NDST4: variants seen among roughly 807,000 people sequenced by gnomAD.
NDST4 encodes N-deacetylase and N-sulfotransferase 4.
NDST4 carries 63 observed loss-of-function variants against 100.8 expected under a neutral mutation model. The ratio of observed to expected loss-of-function variants is 0.62; its 90% CI spans 0.51 to 0.77. The LOEUF is 0.77. NDST4 is among the 30% of genes least tolerant of loss of function. NDST4 has a pLI of 0.00. For missense variants in NDST4, 943 were observed against 1,018.4 expected, an observed-to-expected ratio of 0.93 and a Z score of 1.01; for synonymous variants, 377 against 361.8, an observed-to-expected ratio of 1.04 and a Z score of -0.48.
At chr4:114,965,408 T>G (rs1726358836) in intron 4 of NDST4, among the ~76,000 whole-genome samples, 1 of 152,090 alleles carries the variant, frequency 6.6e-6, no homozygotes, top group African/African-American at 2.4e-5. Flanking sequence ...TAGATTTGTG[T>G]TTTTATGAGA....
chr4:115,032,848 C>G (rs1307784437), intron 2 of NDST4, among the ~76,000 whole-genome samples: 1 of 151,812 alleles, frequency 6.6e-6, no homozygotes, highest in Non-Finnish European at 1.5e-5. Context: ...TTTTGAGTTT[C>G]CCAAGACATA....
chr4:115,093,398 C>A (rs1729559836), intron 1 of NDST4, among the ~76,000 whole-genome samples: 1 of 151,918 alleles, frequency 6.6e-6, no homozygotes, highest in African/African-American at 2.4e-5. Flanking sequence ...TGGCGTGAAT[C>A]CGGGAGGCAG....
At chr4:114,863,081 A>C (rs1195215606) in intron 7 of NDST4, among the ~76,000 whole-genome samples, 1 of 152,012 alleles carries the variant, frequency 6.6e-6, no homozygotes, top group Non-Finnish European at 1.5e-5. Context: ...TTTCTATTTT[A>C]TATTCTGAAC....
At chr4:114,887,652 G>C (rs1724508116) in intron 6 of NDST4, among the ~76,000 whole-genome samples, 1 of 152,054 alleles carries the variant, frequency 6.6e-6, no homozygotes, top group Non-Finnish European at 1.5e-5. Flanking sequence ...AAACTATCTA[G>C]CTTAAAGTAA....
At chr4:115,016,285 T>C (rs946934019) in intron 2 of NDST4, among the ~76,000 whole-genome samples, 1 of 152,088 alleles carries the variant, frequency 6.6e-6, no homozygotes, top group Non-Finnish European at 1.5e-5. Flanking sequence ...AGGGCAAGGT[T>C]CTTCAGAAGC....
At chr4:115,104,562 T>C (rs1028847139) in intron 1 of NDST4, among the ~76,000 whole-genome samples, 2 of 152,128 alleles carry the variant, frequency 1.3e-5, no homozygotes, top group South Asian at 2.1e-4. Flanking sequence ...TGACAGAAAA[T>C]AGAGGAAAAC....
chr4:115,099,897 T>C (rs1262773826), intron 1 of NDST4, among the ~76,000 whole-genome samples: 2 of 152,156 alleles, frequency 1.3e-5, no homozygotes, highest in Admixed American at 6.6e-5. Flanking sequence ...ATGCCAAGGC[T>C]TGGAAGCTAC....
At chr4:114,986,832 A>ATATATATATATATTTTTTTTTTT in intron 2 of NDST4, among the ~76,000 whole-genome samples, 2 of 94,656 alleles carry the variant, frequency 2.1e-5, no homozygotes, top group Non-Finnish European at 2.2e-5. Flanking sequence ...ATATATATAT[A>ATATATATATATATTTTTTTTTTT]TTTTAATATA....
At position 115,068,547 on chromosome 4, in the gene NDST4, G is replaced by T. The variant is rs908127340; in HGVS notation, c.978+7512C>A. On this transcript the variant is annotated intron_variant, in intron 2 of 13. Coordinates refer to ENST00000264363, the MANE Select transcript of NDST4 (RefSeq NM_022569.3). ...GTTCTGGCTGGGTGCGGTGGCTCAT[G>T]CCTGTAAACCCAGCACTTTGGGAGG... Among the ~76,000 whole-genome samples, 4 of 151,356 alleles carry T rather than the reference G, an allele frequency of 2.6e-5. No homozygotes were observed. In the East Asian group the frequency reaches 5.8e-4, roughly 22 times the overall value.
In NDST4 at chr4:115,076,396, G is replaced by A; in HGVS notation, c.641C>T (p.Pro214Leu). ...AATAGTCCAGTCTTCCCCAGGAAGA[G>A]GGCCTTTCTCAACCTTGGGGGCTTT... ...ITKAPKVEKGPLPGEDWTIFQ... is the reference protein window; with the variant it reads ...ITKAPKVEKGLLPGEDWTIFQ... Residue 214 changes from proline (P) to leucine (L), a missense_variant, in exon 2 of 14, where the codon CCT becomes CTT. Coordinates refer to ENST00000264363, the MANE Select transcript of NDST4 (RefSeq NM_022569.3). 3 of 1,613,942 alleles carry A rather than the reference G, an allele frequency of 1.9e-6. No individual in the cohort carries two copies. The highest frequency in any genetic ancestry group is 2.5e-6 in the Non-Finnish European group (3 of 1,179,940).
intron 3 of NDST4, among the ~76,000 whole-genome samples, chr4:114,974,244 T>C (rs1308040281): frequency 3.3e-5 from 5 of 151,666 alleles, no homozygotes. Context: ...CAATATCAGG[T>C]CTTTTAACTA....
chr4:114,880,232 T>G (rs1724337977), intron 6 of NDST4, among the ~76,000 whole-genome samples: 1 of 152,174 alleles, frequency 6.6e-6, no homozygotes, highest in Admixed American at 6.6e-5. Context: ...TGCATATATT[T>G]GTGTTTTGTT....
At chr4:114,953,520 A>T (rs1406040598) in intron 4 of NDST4, among the ~76,000 whole-genome samples, 1 of 152,140 alleles carries the variant, frequency 6.6e-6, no homozygotes, top group Non-Finnish European at 1.5e-5. Flanking sequence ...TAATATCAGC[A>T]GATTCCAAGA....
At chr4:115,016,995 A>ATGTGTGTG (rs140090585) in intron 2 of NDST4, among the ~76,000 whole-genome samples, 2 of 146,236 alleles carry the variant, frequency 1.4e-5, no homozygotes, top group African/African-American at 5.0e-5. Flanking sequence ...TCATGTGTGT[A>ATGTGTGTG]TGTGTGTGTG....
In NDST4 at chr4:115,077,191, A is replaced by T. The variant is rs1219147120; in HGVS notation, c.-155T>A. ...TTTGAAGGGAGCACAACTGAGTTAA[A>T]GCTGGAAGGCAATAGATGGGAAGGA... On this transcript the variant is annotated 5_prime_UTR_variant, in exon 2 of 14. Coordinates refer to ENST00000264363, the MANE Select transcript of NDST4 (RefSeq NM_022569.3). The T allele has an allele frequency of 4.4e-6, 3 of 687,940 alleles. No homozygotes were observed. The East Asian group carries it at 8.4e-5, about 19-fold the overall frequency. The allele number at this position is 687,940 out of a possible 1,614,324, so 42.6% of individuals were successfully genotyped here.
In NDST4 at chr4:115,028,221, A is replaced by G. The variant is rs74598160; in HGVS notation, c.978+47838T>C. Among the ~76,000 whole-genome samples the G allele has an allele frequency of 3.4e-3, 519 of 152,198 alleles. 3 individuals carry two copies. The highest frequency in any genetic ancestry group is 4.1e-3 in the Non-Finnish European group (277 of 68,002). ...ATTAGATGTTGGAAGTGATGGAGAC[A>G]ATCAGACAACTCTTAGGATTCTTAC... On this transcript the variant is annotated intron_variant, in intron 2 of 13. Coordinates refer to ENST00000264363, the MANE Select transcript of NDST4 (RefSeq NM_022569.3).
rs923901419 is a variant in NDST4 at position 114,980,777 on chromosome 4, G to A, written c.979-3503C>T. On this transcript the variant is annotated intron_variant, in intron 2 of 13. Coordinates refer to ENST00000264363, the MANE Select transcript of NDST4 (RefSeq NM_022569.3). ...TGGTTTTGAAATTTTTTCTTTTACTGCTTATGAAGAACTCACTAAGTTGAT... is the reference window on the plus strand; with the variant it reads ...TGGTTTTGAAATTTTTTCTTTTACTACTTATGAAGAACTCACTAAGTTGAT... Among the ~76,000 whole-genome samples the A allele has an allele frequency of 2.6e-5, 4 of 151,900 alleles. No homozygotes were observed. The East Asian group carries it at 7.7e-4, about 29-fold the overall frequency.
intron 2 of NDST4, among the ~76,000 whole-genome samples, chr4:114,988,753 C>T (rs1477425899): frequency 6.6e-6 from 1 of 151,966 alleles, no homozygotes; most frequent in East Asian, 1.9e-4. Context: ...GGCATTAAGG[C>T]TTATTTATTT....
At chr4:114,934,356 C>T (rs762056887) in intron 6 of NDST4, among the ~76,000 whole-genome samples, 5 of 151,956 alleles carry the variant, frequency 3.3e-5, no homozygotes, top group Non-Finnish European at 7.4e-5. Context: ...TCGAGACCAT[C>T]CTGGCTAATA....
Sources: allele counts gnomAD v4.1 joint callset (sites outside exome capture counted in the v4.1 genomes callset), GRCh38; gene constraint gnomAD v4.1.1; transcripts MANE v1.5; gene names NCBI Gene and HGNC (gene_info 2026-07-23, HGNC 2026-07-21).